The following CACNA2D3 variants were observed in gnomAD, a reference collection of about 807,000 sequenced individuals.
CACNA2D3 encodes voltage-dependent calcium channel subunit alpha-2/delta-3.
CACNA2D3 carries 60 observed loss-of-function variants against 160.6 expected under a neutral mutation model. The observed-to-expected ratio is 0.37, with a 90% CI of 0.30 to 0.46. The LOEUF (loss-of-function observed/expected upper bound fraction) is 0.46. Ranked by LOEUF, CACNA2D3 falls within the 20% of genes least tolerant of loss-of-function variation. The pLI is 1.00. For missense variants in CACNA2D3, 1,205 were observed against 1,365.0 expected (o/e 0.88, Z 1.85); for synonymous variants, 558 against 492.9 (o/e 1.13, Z -1.75).
chr3:54,391,222 C>T (rs28623181), intron 4 of CACNA2D3, among the ~76,000 whole-genome samples: 3,359 of 152,254 alleles, frequency 0.022, 57 homozygotes, highest in South Asian at 0.056. Flanking sequence ...AAGAAAGTTA[C>T]AACTCCTTTA....
At chr3:54,610,323 A>C (rs1347696337) in intron 9 of CACNA2D3, among the ~76,000 whole-genome samples, 2 of 152,172 alleles carry the variant, frequency 1.3e-5, no homozygotes, top group Non-Finnish European at 2.9e-5. Context: ...ACATGCCTTA[A>C]AATTTTACTT....
At chr3:54,306,286 GA>G (rs1040926807) in intron 2 of CACNA2D3, among the ~76,000 whole-genome samples, 1 of 151,698 alleles carries the variant, frequency 6.6e-6, no homozygotes, top group Non-Finnish European at 1.5e-5. Flanking sequence ...GATGTTAGGA[GA>G]AAAAAATATT....
At chr3:54,134,985 A>C (rs1699790123) in intron 2 of CACNA2D3, among the ~76,000 whole-genome samples, 1 of 152,224 alleles carries the variant, frequency 6.6e-6, no homozygotes, top group Non-Finnish European at 1.5e-5. Context: ...GGGGGAGGCA[A>C]CTCAGCAAAG....
chr3:54,717,967 T>C (rs1416850489), intron 11 of CACNA2D3, among the ~76,000 whole-genome samples: 1 of 152,282 alleles, frequency 6.6e-6, no homozygotes, highest in East Asian at 1.9e-4. Context: ...TGTTGATCAG[T>C]TTTCATATGT....
At chr3:54,305,204 C>A (rs1025055210) in intron 2 of CACNA2D3, among the ~76,000 whole-genome samples, 3 of 152,290 alleles carry the variant, frequency 2.0e-5, no homozygotes, top group African/African-American at 7.2e-5. Context: ...TACTAAATTT[C>A]TTTGAACTTG....
chr3:54,128,117 T>A (rs915306845), intron 2 of CACNA2D3, among the ~76,000 whole-genome samples: 1 of 152,194 alleles, frequency 6.6e-6, no homozygotes, highest in Admixed American at 6.5e-5. Flanking sequence ...TTAATTCCCA[T>A]GTGGTTATAA....
At chr3:54,203,483 CA>C (rs1472813078) in intron 2 of CACNA2D3, among the ~76,000 whole-genome samples, 1 of 152,200 alleles carries the variant, frequency 6.6e-6, no homozygotes, top group African/African-American at 2.4e-5. Flanking sequence ...TACCTTGTTG[CA>C]AGGACAAAGG....
intron 11 of CACNA2D3, among the ~76,000 whole-genome samples, chr3:54,668,107 TATC>T (rs1255407857): frequency 6.6e-6 from 1 of 152,150 alleles, no homozygotes; most frequent in Non-Finnish European, 1.5e-5. Flanking sequence ...TAAGAGCAAA[TATC>T]ATCAGTAGGC....
chr3:54,430,906 TAAC>T, intron 4 of CACNA2D3, among the ~76,000 whole-genome samples: 1 of 152,280 alleles, frequency 6.6e-6, no homozygotes, highest in Non-Finnish European at 1.5e-5. Flanking sequence ...CCCAAAAACT[TAAC>T]TACTACTAGT....
chr3:54,697,149 A>G (rs1445325098), intron 11 of CACNA2D3, among the ~76,000 whole-genome samples: 1 of 152,120 alleles, frequency 6.6e-6, no homozygotes, highest in African/African-American at 2.4e-5. Flanking sequence ...ATGGTGGTGC[A>G]TGCTTGTGGT....
chr3:54,455,914 A>G (rs1240338936), intron 4 of CACNA2D3, among the ~76,000 whole-genome samples: 1 of 152,020 alleles, frequency 6.6e-6, no homozygotes, highest in African/African-American at 2.4e-5. Flanking sequence ...TGGGCTCTCT[A>G]TTCTGTTCCA....
chr3:55,004,250 A>T (rs770422129), intron 31 of CACNA2D3, among the ~76,000 whole-genome samples: 2 of 152,198 alleles, frequency 1.3e-5, no homozygotes, highest in Non-Finnish European at 2.9e-5. Context: ...TACAATTAGT[A>T]AGCCAGCTGG....
At chr3:54,714,272 T>G (rs751638384) in intron 11 of CACNA2D3, among the ~76,000 whole-genome samples, 17 of 152,200 alleles carry the variant, frequency 1.1e-4, no homozygotes, top group Middle Eastern at 3.2e-3. Flanking sequence ...GCAATGGCAT[T>G]AATTTATTCA....
At chr3:54,285,600 A>C (rs1027499926) in intron 2 of CACNA2D3, among the ~76,000 whole-genome samples, 10 of 152,326 alleles carry the variant, frequency 6.6e-5, no homozygotes, top group African/African-American at 2.2e-4. Flanking sequence ...CCCAGCACAC[A>C]GCTGGAGATC....
chr3:54,563,621 A>G (rs546522210), intron 6 of CACNA2D3, among the ~76,000 whole-genome samples: 13 of 152,182 alleles, frequency 8.5e-5, no homozygotes, highest in Non-Finnish European at 1.5e-4. Flanking sequence ...GGAAGTTTTA[A>G]TTTTGCTTAC....
At chr3:54,868,169 A>G (rs1468984287) in intron 17 of CACNA2D3, among the ~76,000 whole-genome samples, 1 of 152,194 alleles carries the variant, frequency 6.6e-6, no homozygotes, top group East Asian at 1.9e-4. Context: ...ATATCTATGC[A>G]ACAGCCCACT....
intron 2 of CACNA2D3, among the ~76,000 whole-genome samples, chr3:54,232,449 A>G (rs1701790250): frequency 6.6e-6 from 1 of 152,242 alleles, no homozygotes; most frequent in African/African-American, 2.4e-5. Flanking sequence ...CCCTGGGCTA[A>G]GAACCTCATG....
At chr3:54,925,210 G>A (rs1471123056) in intron 27 of CACNA2D3, 45 of 1,609,750 alleles carry the variant, frequency 2.8e-5, no homozygotes, top group Non-Finnish European at 3.7e-5. Context: ...AACAGGAGCA[G>A]TTCACCTACA....
intron 14 of CACNA2D3, among the ~76,000 whole-genome samples, chr3:54,821,400 G>T (rs745843883): frequency 2.0e-5 from 3 of 152,168 alleles, no homozygotes; most frequent in Non-Finnish European, 4.4e-5. Flanking sequence ...TTCAAGATCT[G>T]TTGTTCTATG....
Sources: allele counts gnomAD v4.1 joint callset (sites outside exome capture counted in the v4.1 genomes callset), GRCh38; gene constraint gnomAD v4.1.1; transcripts MANE v1.5; gene names NCBI Gene and HGNC (gene_info 2026-07-23, HGNC 2026-07-21).